HECTD4: variants seen among roughly 807,000 people sequenced by gnomAD.
HECTD4 encodes the protein HECT domain E3 ubiquitin protein ligase 4.
Under a neutral mutation model 471.5 loss-of-function variants are expected in HECTD4, and 114 were observed. That is an observed-to-expected ratio of 0.24 (90% CI 0.21 to 0.28). The LOEUF (loss-of-function observed/expected upper bound fraction) is 0.28. Ranked by LOEUF, HECTD4 falls within the 10% of genes least tolerant of loss-of-function variation. The pLI is 1.00. For missense variants in HECTD4, 3,866 were observed against 5,651.5 expected, an observed-to-expected ratio of 0.68 and a Z score of 10.13; for synonymous variants, 2,012 against 2,256.0, an observed-to-expected ratio of 0.89 and a Z score of 3.07.
chr12:112,314,371 G>T, intron 3 of HECTD4, 86 bp downstream of exon 3: 2 of 666,124 alleles, frequency 3.0e-6, no homozygotes, highest in Non-Finnish European at 5.3e-6. Context: ...ATTGATAAGA[G>T]TTTAGCAATC....
chr12:112,376,489 G>A (rs549724208), intron 1 of HECTD4, among the ~76,000 whole-genome samples: 4 of 152,062 alleles, frequency 2.6e-5, no homozygotes, highest in East Asian at 3.9e-4. Context: ...CTCGTGATCT[G>A]CCCGCCGTGG....
In HECTD4 at chr12:112,319,767, T is replaced by TTCTC; in HGVS notation, c.178-26_178-25insGAGA. The TTCTC allele has an allele frequency of 3.2e-6, 4 of 1,242,470 alleles. No homozygotes were observed. Among genetic ancestry groups the TTCTC allele is most frequent in the Non-Finnish European group, 4.0e-6 (4 of 993,082 alleles). The allele number at this position is 1,242,470 out of a possible 1,614,324, so 77.0% of individuals were successfully genotyped here. On this transcript the variant is annotated intron_variant, in intron 1 of 75. Transcript: ENST00000682272. The surrounding 1 kb of genome is among the most constrained non-coding windows in gnomAD (Gnocchi z 5.3). ...TCTAAGGAAAAAGACGATGGAGAAG[T>TTCTC]GGGTAAATATTACTTTCACCAAAGT... is the stretch of plus-strand genomic sequence containing the variant.
chr12:112,355,912 C>T (rs527276921), intron 1 of HECTD4, among the ~76,000 whole-genome samples: 1 of 152,040 alleles, frequency 6.6e-6, no homozygotes, highest in Non-Finnish European at 1.5e-5. Context: ...TTTCTTAATA[C>T]TCAAATAATT....
At position 112,264,184 on chromosome 12, in the gene HECTD4, A is replaced by G; in HGVS notation, c.2648T>C (p.Met883Thr). The change falls in exon 17 of 76, where the codon ATG becomes ACG. Residue 883 changes from methionine (M) to threonine (T), a missense_variant. Physicochemically the swap from Met to Thr is moderately conservative, Grantham distance 81. Around this residue, in one of 16 missense-constraint regions of HECTD4, gnomAD observed 525 missense variants for 672.6 expected, o/e 0.78. Transcript: ENST00000682272. ...ACTGAGAAGGTGATTCTGAACTGCCATCAGATAGCGCAGGCAGGAGGATGC... is the reference window on the plus strand; with the variant it reads ...ACTGAGAAGGTGATTCTGAACTGCCGTCAGATAGCGCAGGCAGGAGGATGC... ...PAASSCLRYLMAVQNHLLSNT... is the reference protein window; with the variant it reads ...PAASSCLRYLTAVQNHLLSNT... 6.2e-7 allele frequency: 1 copy of G among 1,605,230 alleles called. No homozygotes were observed. The highest frequency in any genetic ancestry group is 1.7e-4 in the Middle Eastern group (1 of 6,054).
rs548284598 is a variant in HECTD4 at position 112,179,695 on chromosome 12, C to G, written c.10988-298G>C. Among the ~76,000 whole-genome samples, 2 of 152,314 alleles carry G rather than the reference C, an allele frequency of 1.3e-5. No homozygotes were observed. Among genetic ancestry groups the G allele is most frequent in the South Asian group, 2.1e-4 (1 of 4,830 alleles). Reference sequence around the variant, plus strand: ...CTGGTTGCTCGGGGACGACAGGCCCCTCCCCGAGGGTGGGCACACCTCAGT... The same window carrying G: ...CTGGTTGCTCGGGGACGACAGGCCCGTCCCCGAGGGTGGGCACACCTCAGT... On this transcript the variant is annotated intron_variant, in intron 62 of 75. Transcript: ENST00000682272. The surrounding 1 kb of genome is among the most constrained non-coding windows in gnomAD (Gnocchi z 4.3).
chr12:112,280,016 A>C (rs767174530), intron 8 of HECTD4, among the ~76,000 whole-genome samples: 6 of 152,148 alleles, frequency 3.9e-5, no homozygotes, highest in Non-Finnish European at 8.8e-5. Context: ...AGATTTTTAG[A>C]TTTGGGATGA....
intron 55 of HECTD4, among the ~76,000 whole-genome samples, chr12:112,197,312 CTCTT>C (rs1001171699): frequency 6.6e-6 from 1 of 152,108 alleles, no homozygotes; most frequent in Non-Finnish European, 1.5e-5. Context: ...TTCCAAAATC[CTCTT>C]TATTTATTAA....
At chr12:112,323,006 ACCTGG>A in intron 1 of HECTD4, 1 of 187,796 alleles carries the variant, frequency 5.3e-6, no homozygotes. Flanking sequence ...AACTGCCAGT[ACCTGG>A]CAGGACAAAG....
At chr12:112,265,059 C>T (rs1463195487) in intron 16 of HECTD4, 116 bp downstream of exon 16, 3 of 989,460 alleles carry the variant, frequency 3.0e-6, no homozygotes, top group Admixed American at 3.3e-5. Context: ...GCCACTGCGC[C>T]CGGCCTTTCA....
chr12:112,218,914 T>C (rs1420850464), intron 45 of HECTD4, among the ~76,000 whole-genome samples: 1 of 151,944 alleles, frequency 6.6e-6, no homozygotes, highest in East Asian at 1.9e-4. Context: ...TTAGTATTTT[T>C]AGTAGAGATG....
chr12:112,346,348 C>G (rs1355059077), intron 1 of HECTD4, among the ~76,000 whole-genome samples: 1 of 152,132 alleles, frequency 6.6e-6, no homozygotes, highest in Non-Finnish European at 1.5e-5. Flanking sequence ...AACAGGCATC[C>G]CAGAAATTCT....
At chr12:112,276,427 T>A (rs1167344494) in intron 9 of HECTD4, among the ~76,000 whole-genome samples, 5 of 152,086 alleles carry the variant, frequency 3.3e-5, no homozygotes, top group African/African-American at 1.2e-4. Flanking sequence ...GTCAATAACA[T>A]AAAAACCCAA....
intron 54 of HECTD4, chr12:112,201,112 G>A: frequency 2.2e-6 from 1 of 460,238 alleles, no homozygotes; most frequent in Non-Finnish European, 4.3e-6. Flanking sequence ...TATTTTTTTT[G>A]AGATGGAGTC....
intron 1 of HECTD4, among the ~76,000 whole-genome samples, chr12:112,328,110 CTATTTATTTATTTATTTATT>C (rs58061315): frequency 2.1e-5 from 3 of 145,722 alleles, no homozygotes; most frequent in East Asian, 2.1e-4. Context: ...CAATGTAAAA[CTATTTATTTATTTATTTATT>C]TATTTATTTA....
Position 112,184,233 on chromosome 12 carries a change from T to C in HECTD4, c.10733A>G (p.Asn3578Ser), listed in dbSNP as rs2031776691. 7.4e-6 allele frequency: 12 copies of C among 1,613,164 alleles called. No individual in the cohort carries two copies. The highest frequency in any genetic ancestry group is 2.2e-5 in the East Asian group (1 of 44,892). The part of the protein sequence containing the change: ...GSMYTVTSLD[N>S]QPLAARPIKG... Reference sequence around the variant, plus strand: ...GATGGGGCGGGCGGCGAGGGGCTGGTTGTCCAGGGAAGTGACTGTGTACAT... The same window carrying C: ...GATGGGGCGGGCGGCGAGGGGCTGGCTGTCCAGGGAAGTGACTGTGTACAT... Residue 3578 changes from asparagine (N) to serine (S), a missense_variant, in exon 61 of 76, where the codon AAC becomes AGC. Around this residue, in one of 16 missense-constraint regions of HECTD4, gnomAD observed 192 missense variants for 189.9 expected, o/e 1.01. Transcript: ENST00000682272. The surrounding 1 kb of genome is among the most constrained non-coding windows in gnomAD (Gnocchi z 9.1).
chr12:112,379,243 C>T (rs927186145), intron 1 of HECTD4, among the ~76,000 whole-genome samples: 4 of 152,170 alleles, frequency 2.6e-5, no homozygotes, highest in African/African-American at 4.8e-5. Flanking sequence ...ACTAGGTTAA[C>T]GTGCAAGCTC....
chr12:112,332,356 G>A (rs985797978), intron 1 of HECTD4, among the ~76,000 whole-genome samples: 1 of 151,870 alleles, frequency 6.6e-6, no homozygotes, highest in Non-Finnish European at 1.5e-5. Context: ...AACCAACATG[G>A]TGAAACCCCA....
rs1398299706 is a variant in HECTD4, at chr12:112,239,299, T to C, written c.5106-63A>G. The C allele has an allele frequency of 2.7e-6, 4 of 1,462,258 alleles. No individual in the cohort carries two copies. Among genetic ancestry groups the C allele is most frequent in the Admixed American group, 2.0e-5 (1 of 48,906 alleles). 90.6% of individuals were successfully genotyped at this position (1,462,258 alleles called of 1,614,324 possible). On this transcript the variant is annotated intron_variant, in intron 33 of 75. Coordinates refer to ENST00000682272, the MANE Select transcript of HECTD4 (RefSeq NM_001388303.1). This position sits in a 1 kb window ranked among gnomAD's most constrained non-coding sequence, Gnocchi z 4.9. ...CTGACCGACACTCAGGAAACTCTCA[T>C]GTGAGGTTCAAAGGGGCATAAAACA...
At chr12:112,360,099 G>A (rs554932654) in intron 1 of HECTD4, among the ~76,000 whole-genome samples, 1 of 152,286 alleles carries the variant, frequency 6.6e-6, no homozygotes, top group East Asian at 1.9e-4. Flanking sequence ...ATTTTTCTTG[G>A]TAACTAGAAG....
Sources: gnomAD v4.1 joint callset for allele counts (sites outside exome capture counted in the v4.1 genomes callset) on GRCh38, gnomAD v4.1.1 for gene constraint, gnomAD v4.1.1 regional missense constraint, Gnocchi (gnomAD v3.1) non-coding constraint, MANE v1.5 for transcripts, NCBI Gene and HGNC (gene_info 2026-07-23, HGNC 2026-07-21) for gene names.